Variants in PSD3 observed in about 807,000 individuals in gnomAD.
PSD3 encodes pleckstrin and Sec7 domain containing 3.
In PSD3, 49 loss-of-function variants were observed where a neutral mutation model predicts 105.5. The observed-to-expected ratio is 0.46, with a 90% confidence interval of 0.37 to 0.59. The LOEUF is 0.59. PSD3 is among the 20% of genes least tolerant of loss of function. PSD3 has a pLI of 0.00. For missense variants in PSD3, 1,561 were observed against 1,263.8 expected (o/e 1.24, Z -3.57); for synonymous variants, 557 against 457.8 (o/e 1.22, Z -2.77).
intron 2 of PSD3, among the ~76,000 whole-genome samples, chr8:18,902,887 C>T (rs1563402068): frequency 6.6e-6 from 1 of 152,108 alleles, no homozygotes; most frequent in South Asian, 2.1e-4. Flanking sequence ...TCTCATTTTC[C>T]ACACAATGGG....
At chr8:18,889,752 C>T (rs1818666603) in intron 2 of PSD3, among the ~76,000 whole-genome samples, 1 of 152,144 alleles carries the variant, frequency 6.6e-6, no homozygotes, top group Non-Finnish European at 1.5e-5. Flanking sequence ...ATTTCCATGT[C>T]TGGATGTCTC....
intron 2 of PSD3, among the ~76,000 whole-genome samples, chr8:18,910,035 C>T (rs1271316192): frequency 6.6e-6 from 1 of 152,028 alleles, no homozygotes; most frequent in Admixed American, 6.5e-5. Context: ...AGAGGACTGC[C>T]CCACGAAGAG....
intron 1 of PSD3, among the ~76,000 whole-genome samples, chr8:19,058,751 C>T (rs1431981139): frequency 6.6e-6 from 1 of 152,086 alleles, no homozygotes; most frequent in Non-Finnish European, 1.5e-5. Flanking sequence ...CCTTATCTAG[C>T]TATTTTTGAT....
At chr8:19,040,316 C>A (rs111760208) in intron 1 of PSD3, among the ~76,000 whole-genome samples, 2 of 152,108 alleles carry the variant, frequency 1.3e-5, no homozygotes, top group African/African-American at 4.8e-5. Flanking sequence ...GATCTCCCAC[C>A]TCAGCCTTCC....
rs890461068 is a variant in PSD3 at position 19,064,366 on chromosome 8, A to G, written c.324+19840T>C. ...TAAAAAATATTTTTAATTATTAACT[A>G]TGTTAATTATCTATTTTTAACTGTT... On this transcript the variant is annotated intron_variant, in intron 1 of 1. Transcript: ENST00000521475. Among the ~76,000 whole-genome samples the G allele has an allele frequency of 1.8e-4, 28 of 152,170 alleles. 1 individual carries two copies. Among genetic ancestry groups the G allele is most frequent in the Middle Eastern group, 3.4e-3 (1 of 294 alleles).
chr8:18,772,016 T>A (rs1211259492), intron 8 of PSD3, among the ~76,000 whole-genome samples: 1 of 152,228 alleles, frequency 6.6e-6, no homozygotes, highest in Non-Finnish European at 1.5e-5. Context: ...TCACTTAGCA[T>A]AATGTCCTCA....
At chr8:19,020,639 A>G (rs1827334140) in intron 1 of PSD3, among the ~76,000 whole-genome samples, 1 of 152,054 alleles carries the variant, frequency 6.6e-6, no homozygotes, top group East Asian at 1.9e-4. Flanking sequence ...GAGGTAAATT[A>G]GGAGGCTACT....
intron 9 of PSD3, among the ~76,000 whole-genome samples, chr8:18,740,452 C>T (rs567808571): frequency 6.6e-6 from 1 of 152,062 alleles, no homozygotes; most frequent in Non-Finnish European, 1.5e-5. Context: ...AAGTAGAATC[C>T]ATCACACCTT....
intron 11 of PSD3, among the ~76,000 whole-genome samples, chr8:18,614,178 G>C (rs538675026): frequency 1.3e-5 from 2 of 152,162 alleles, no homozygotes; most frequent in African/African-American, 4.8e-5. Flanking sequence ...GCTTCCTTCA[G>C]TATTTCCTAA....
chr8:18,674,531 C>G (rs1294012019), intron 9 of PSD3, among the ~76,000 whole-genome samples: 1 of 152,258 alleles, frequency 6.6e-6, no homozygotes, highest in African/African-American at 2.4e-5. Context: ...CACACTGTTA[C>G]CTTAAATTCT....
chr8:19,040,182 G>T (rs1441782992), intron 1 of PSD3, among the ~76,000 whole-genome samples: 1 of 152,140 alleles, frequency 6.6e-6, no homozygotes, highest in Non-Finnish European at 1.5e-5. Flanking sequence ...CCATGGTAAG[G>T]CTTTTGCAGT....
chr8:18,857,262 C>G (rs1336229315), intron 4 of PSD3, among the ~76,000 whole-genome samples: 1 of 152,198 alleles, frequency 6.6e-6, no homozygotes, highest in Non-Finnish European at 1.5e-5. Flanking sequence ...AAACGCCTCT[C>G]AAAAGCAGCT....
rs756794780 is a variant in PSD3 at position 18,632,785 on chromosome 8, C to CA, written c.2237_2238insT (p.Lys746AsnfsTer8). 6.3e-7 allele frequency: 1 copy of CA among 1,581,454 alleles called. No homozygotes were observed. The highest frequency in any genetic ancestry group is 8.7e-7 in the Non-Finnish European group (1 of 1,154,736). Reference sequence around the variant, plus strand: ...TCTCCTCAGTACTTTCTGAGGGAGACTTTTTTTTCTCTTCATCATCTCTAA... The same window carrying CA: ...TCTCCTCAGTACTTTCTGAGGGAGACATTTTTTTTCTCTTCATCATCTCTAA... On this transcript the variant is annotated frameshift_variant, in exon 11 of 16. Transcript: ENST00000327040. LOFTEE classifies it high-confidence loss of function.
At chr8:18,680,005 T>C (rs967495230) in intron 9 of PSD3, among the ~76,000 whole-genome samples, 15 of 152,140 alleles carry the variant, frequency 9.9e-5, no homozygotes, top group Admixed American at 6.5e-5. Flanking sequence ...TACAACAACA[T>C]AAAGAAACAA....
At chr8:19,051,156 T>C (rs1045231645) in intron 1 of PSD3, among the ~76,000 whole-genome samples, 1 of 152,138 alleles carries the variant, frequency 6.6e-6, no homozygotes, top group Non-Finnish European at 1.5e-5. Flanking sequence ...GCTCTTAGAA[T>C]AAACACACAG....
At chr8:18,846,804 A>C (rs568250359) in intron 4 of PSD3, among the ~76,000 whole-genome samples, 6 of 152,186 alleles carry the variant, frequency 3.9e-5, no homozygotes, top group African/African-American at 1.4e-4. Flanking sequence ...TGAAGAGGGA[A>C]ATTACAGATT....
intron 2 of PSD3, among the ~76,000 whole-genome samples, chr8:18,934,472 G>A (rs1586465747): frequency 6.6e-6 from 1 of 151,956 alleles, no homozygotes; most frequent in Non-Finnish European, 1.5e-5. Context: ...GTGCAGTGGC[G>A]TGATCTCGGC....
chr8:18,902,554 G>C (rs930163796), intron 2 of PSD3, among the ~76,000 whole-genome samples: 2 of 152,142 alleles, frequency 1.3e-5, no homozygotes, highest in Middle Eastern at 3.4e-3. Context: ...ATATTTCCTT[G>C]CCTTTTCATG....
intron 6 of PSD3, among the ~76,000 whole-genome samples, chr8:18,802,713 T>G (rs1810807742): frequency 6.6e-6 from 1 of 152,080 alleles, no homozygotes; most frequent in Non-Finnish European, 1.5e-5. Flanking sequence ...ATTTGTAAAA[T>G]TAAAGGGTTA....
Sources: gnomAD v4.1 joint callset for allele counts (sites outside exome capture counted in the v4.1 genomes callset) on GRCh38, gnomAD v4.1.1 for gene constraint, MANE v1.5 for transcripts, NCBI Gene and HGNC (gene_info 2026-07-23, HGNC 2026-07-21) for gene names.